Variants in NMD3 observed in about 807,000 individuals in gnomAD.
NMD3 encodes NMD3 ribosome export adaptor.
A neutral mutation model predicts 73.1 loss-of-function variants in NMD3; 47 were observed. The observed-to-expected ratio is 0.64, with a 90% CI of 0.51 to 0.82. NMD3 has a LOEUF of 0.82. Among genes scored for constraint, NMD3 ranks in the 40% least tolerant of loss-of-function variants. NMD3 has a pLI of 0.00. For missense variants in NMD3, 554 were observed against 612.5 expected (o/e 0.90, Z 1.01); for synonymous variants, 210 against 194.5 (o/e 1.08, Z -0.66).
At chr3:161,222,207 C>A in intron 2 of NMD3, 150 bp downstream of exon 2, 3 of 661,700 alleles carry the variant, frequency 4.5e-6, no homozygotes, top group South Asian at 3.6e-5. Context: ...TGTAGAAAAT[C>A]GAATTAGTTT....
chr3:161,226,771 A>G (rs1302704042), intron 3 of NMD3, among the ~76,000 whole-genome samples: 1 of 152,238 alleles, frequency 6.6e-6, no homozygotes, highest in Non-Finnish European at 1.5e-5. Context: ...TTTACAATTT[A>G]CAATTTGAAA....
intron 13 of NMD3, among the ~76,000 whole-genome samples, chr3:161,249,177 TAC>T (rs1437607860): frequency 6.6e-6 from 1 of 152,216 alleles, no homozygotes; most frequent in East Asian, 1.9e-4. Flanking sequence ...AAAAGAAAAC[TAC>T]AGTTTTTGTT....
At position 161,242,529 on chromosome 3, in the gene NMD3, C is replaced by T; in HGVS notation, c.893C>T (p.Thr298Ile). The T allele has an allele frequency of 6.2e-7, 1 of 1,613,316 alleles. No homozygotes were observed. Among genetic ancestry groups the T allele is most frequent in the Non-Finnish European group, 8.5e-7 (1 of 1,179,504 alleles). Residue 298 changes from threonine to isoleucine, a missense_variant, in exon 11 of 16, where the codon ACT becomes ATT. Thr to Ile is a moderately conservative substitution (Grantham distance 89, BLOSUM62 -1). Transcript: ENST00000351193. The stretch of plus-strand genomic sequence containing the variant: ...TTAGTGGCAGATATTGATGGGAGCA[C>T]TTTCTGGAGTCACCCTTTCAATAGT... ...TLQVADIDGSTFWSHPFNSLC... is the reference protein window; with the variant it reads ...TLQVADIDGSIFWSHPFNSLC...
intron 1 of NMD3, 33 bp from the exon 2 acceptor site, chr3:161,221,961 T>C: frequency 1.5e-5 from 3 of 193,670 alleles, no homozygotes; most frequent in Non-Finnish European, 1.9e-5. Flanking sequence ...ACATTCTCTT[T>C]TTTTTTTTTT....
intron 9 of NMD3, among the ~76,000 whole-genome samples, chr3:161,239,766 C>G (rs1736899487): frequency 6.6e-6 from 1 of 152,190 alleles, no homozygotes; most frequent in South Asian, 2.1e-4. Flanking sequence ...AGCAAACTTT[C>G]TCTGTAAAGA....
rs372734846 is a variant in NMD3 at position 161,252,221 on chromosome 3, T to C, written c.*1311T>C. ...TAAGATTGACCAAAGCAAGTTCTCA[T>C]TGGTGGTCTGTGTTTACATCTTCCG... On this transcript the variant is annotated 3_prime_UTR_variant, in exon 16 of 16. Coordinates refer to ENST00000351193, the MANE Select transcript of NMD3 (RefSeq NM_015938.5). The C allele has an allele frequency of 6.6e-6, 1 of 152,204 alleles. No individual in the cohort carries two copies. The highest frequency in any genetic ancestry group is 6.5e-5 in the Admixed American group (1 of 15,276). The allele number at this position is 152,204 out of a possible 1,614,324, so 9.4% of individuals were successfully genotyped here. A position where few individuals can be genotyped will look rare whatever the true frequency, so the allele number is the denominator to read the frequency against.
intron 14 of NMD3, 148 bp from the exon 15 acceptor site, chr3:161,250,108 A>T: frequency 1.8e-6 from 1 of 557,370 alleles, no homozygotes; most frequent in South Asian, 2.5e-5. Context: ...ACCGATGTCT[A>T]AAAAAACTGA....
downstream of NMD3, chr3:161,252,727 T>A (rs1164322846): frequency 1.6e-6 from 1 of 641,988 alleles, no homozygotes; most frequent in Admixed American, 2.5e-5. Flanking sequence ...AACCAATTTA[T>A]AAATATAATT....
intron 5 of NMD3, 108 bp downstream of exon 5, chr3:161,233,587 A>T: frequency 1.8e-6 from 1 of 565,220 alleles, no homozygotes; most frequent in Non-Finnish European, 3.1e-6. Flanking sequence ...AAAAGAGTAC[A>T]CTCAATTTTA....
chr3:161,235,023 GAAAA>G, intron 6 of NMD3, 95 bp from the exon 7 acceptor site: 1 of 924,628 alleles, frequency 1.1e-6, no homozygotes, highest in Non-Finnish European at 1.7e-6. Context: ...GTTATTGTTT[GAAAA>G]ATCAGTATGC....
In NMD3 at chr3:161,238,778, A is replaced by G. The variant is rs1404685792; in HGVS notation, c.705A>G (p.Thr235=). The G allele has an allele frequency of 2.5e-6, 4 of 1,579,928 alleles. No homozygotes were observed. Among genetic ancestry groups the G allele is most frequent in the Admixed American group, 3.7e-5 (2 of 54,644 alleles). Residue 235 remains threonine, a synonymous_variant, in exon 9 of 16, where the codon ACA becomes ACG. Coordinates refer to ENST00000351193, the MANE Select transcript of NMD3 (RefSeq NM_015938.5). ...RLISQDIHSN[T]YNYKSTFSVE... The stretch of plus-strand genomic sequence containing the variant: ...TCTCTCAAGATATCCATAGTAACAC[A>G]TACAATTACAAAAGCACTTTTTCTG...
Position 161,241,038 on chromosome 3 carries a change from ATGCC to A in NMD3, c.754-6_754-3del. ...TGCCTCATTCTAAATGTTAGTTCTT[ATGCC>A]TAGGATAATGTTGTCTGTCTGTCTC... is the stretch of plus-strand genomic sequence containing the variant. On this transcript the variant is annotated splice_region_variant and splice_polypyrimidine_tract_variant and intron_variant, in intron 9 of 15. Transcript: ENST00000351193. 6.4e-7 allele frequency: 1 copy of A among 1,565,132 alleles called. No individual in the cohort carries two copies. The highest frequency in any genetic ancestry group is 8.8e-7 in the Non-Finnish European group (1 of 1,137,608).
In NMD3 at chr3:161,251,102, A is replaced by G; in HGVS notation, c.*192A>G. The G allele has an allele frequency of 2.3e-6, 1 of 442,872 alleles. No homozygotes were observed. Among genetic ancestry groups the G allele is most frequent in the South Asian group, 3.9e-5 (1 of 25,856 alleles). The allele number at this position is 442,872 out of a possible 1,614,324, so 27.4% of individuals were successfully genotyped here. On this transcript the variant is annotated 3_prime_UTR_variant, in exon 16 of 16. Coordinates refer to ENST00000351193, the MANE Select transcript of NMD3 (RefSeq NM_015938.5). ...TAGCTTTGAGGTTTTAGATAAGGAA[A>G]GATTATGGAGAATGTAGTTGTTATT...
intron 9 of NMD3, 100 bp downstream of exon 9, chr3:161,238,926 T>TA (rs1490932159): frequency 3.5e-6 from 2 of 576,672 alleles, no homozygotes; most frequent in Non-Finnish European, 6.1e-6. Context: ...TAGGGTTGGT[T>TA]AAAAATTTAG....
chr3:161,238,240 A>G, intron 8 of NMD3, 49 bp downstream of exon 8: 1 of 1,114,746 alleles, frequency 9.0e-7, no homozygotes, highest in Non-Finnish European at 1.3e-6. Flanking sequence ...TTGGGAATGG[A>G]TGCGGATCAC....
chr3:161,247,155 A>G, intron 12 of NMD3, 103 bp from the exon 13 acceptor site: 4 of 683,884 alleles, frequency 5.8e-6, no homozygotes, highest in African/African-American at 1.8e-5. Flanking sequence ...TGAGAAGCAT[A>G]TTAAATGTTT....
At chr3:161,246,786 A>G (rs2108100691) in intron 12 of NMD3, among the ~76,000 whole-genome samples, 1 of 152,308 alleles carries the variant, frequency 6.6e-6, no homozygotes, top group East Asian at 1.9e-4. Context: ...CTCACTTTTA[A>G]GATATGACAA....
chr3:161,243,154 C>A (rs527358014), intron 11 of NMD3, among the ~76,000 whole-genome samples: 2 of 152,212 alleles, frequency 1.3e-5, no homozygotes, highest in African/African-American at 4.8e-5. Flanking sequence ...TGAAACAACC[C>A]ACAATAGTAC....
intron 5 of NMD3, among the ~76,000 whole-genome samples, chr3:161,234,439 T>TTA (rs59829615): frequency 0.13 from 18,943 of 145,366 alleles, 1,558 homozygotes; most frequent in African/African-American, 0.23. Context: ...TCAAAAAAAA[T>TTA]TATATATATA....
Sources: gnomAD v4.1 joint callset for allele counts (sites outside exome capture counted in the v4.1 genomes callset) on GRCh38, gnomAD v4.1.1 for gene constraint, MANE v1.5 for transcripts, NCBI Gene and HGNC (gene_info 2026-07-23, HGNC 2026-07-21) for gene names.